Variants in SEPTIN9 observed in about 807,000 individuals in gnomAD.
SEPTIN9 encodes the protein septin 9, also known as septin-9.
A neutral mutation model predicts 56.6 loss-of-function variants in SEPTIN9; 13 were observed. The ratio of observed to expected loss-of-function variants is 0.23; its 90% CI spans 0.15 to 0.37. The LOEUF is 0.37. Among genes scored for constraint, SEPTIN9 ranks in the 10% least tolerant of loss-of-function variants. The pLI, the probability that SEPTIN9 is intolerant of heterozygous loss-of-function variation, is 1.00. For synonymous variants in SEPTIN9, 332 were observed against 334.1 expected (o/e 0.99, Z 0.07); for missense variants, 650 against 823.1 (o/e 0.79, Z 2.57).
At chr17:77,370,385 TC>T (rs1373626084) in intron 2 of SEPTIN9, among the ~76,000 whole-genome samples, 1 of 152,248 alleles carries the variant, frequency 6.6e-6, no homozygotes, top group African/African-American at 2.4e-5. Context: ...CTCTGTACTT[TC>T]TTTTCTGTCT....
Position 77,420,547 on chromosome 17 carries a change from G to A in SEPTIN9, c.721+17844G>A, listed in dbSNP as rs140661621. Among the ~76,000 whole-genome samples the A allele has an allele frequency of 1.6e-4, 24 of 152,268 alleles. No homozygotes were observed. The East Asian group carries it at 4.1e-3, about 26-fold the overall frequency. On this transcript the variant is annotated intron_variant, in intron 3 of 11. Transcript: ENST00000427177. ...GGACCTGGGAATCCTCAGCCCAACT[G>A]TCCAGAGGAGTCTTTCTCAGTGGGG... is the stretch of plus-strand genomic sequence containing the variant.
chr17:77,307,511 T>C (rs2032318543), intron 2 of SEPTIN9, among the ~76,000 whole-genome samples: 1 of 150,892 alleles, frequency 6.6e-6, no homozygotes, highest in Non-Finnish European at 1.5e-5. Context: ...TGGTTTGAGA[T>C]GCTGAGGGGA....
At chr17:77,484,502 GTGGTGA>G (rs796618940) in intron 4 of SEPTIN9, among the ~76,000 whole-genome samples, 13 of 97,362 alleles carry the variant, frequency 1.3e-4, no homozygotes, top group African/African-American at 3.7e-4. Context: ...GATGGTGATT[GTGGTGA>G]TGGTGATGGT....
intron 3 of SEPTIN9, among the ~76,000 whole-genome samples, chr17:77,413,847 T>C (rs886443431): frequency 7.0e-6 from 1 of 142,612 alleles, no homozygotes; most frequent in African/African-American, 2.6e-5. Context: ...CACCTATATA[T>C]GGGGTGGGGG....
At chr17:77,455,663 G>T (rs2038166352) in intron 3 of SEPTIN9, among the ~76,000 whole-genome samples, 1 of 152,214 alleles carries the variant, frequency 6.6e-6, no homozygotes, top group Non-Finnish European at 1.5e-5. Context: ...AGCGGGCGGG[G>T]TTGATGGTGC....
intron 6 of SEPTIN9, 61 bp downstream of exon 6, chr17:77,488,382 C>T: frequency 6.8e-7 from 1 of 1,465,878 alleles, no homozygotes. Context: ...GGACCCCACC[C>T]AGAGTCAGCC....
At chr17:77,333,267 GAA>G (rs1295764266) in intron 2 of SEPTIN9, among the ~76,000 whole-genome samples, 2 of 152,198 alleles carry the variant, frequency 1.3e-5, no homozygotes, top group African/African-American at 4.8e-5. Flanking sequence ...TTTCCTTTGT[GAA>G]ATGTCTTTTC....
rs2037323328 is a variant in SEPTIN9 at position 77,436,040 on chromosome 17, T to C, written c.721+33337T>C. On this transcript the variant is annotated intron_variant, in intron 3 of 11. Coordinates refer to ENST00000427177, the MANE Select transcript of SEPTIN9 (RefSeq NM_001113491.2). The surrounding 1 kb of genome is among the most constrained non-coding windows in gnomAD (Gnocchi z 4.4). ...GGCCTCAGCCTCGTGTGTGTGTTTA[T>C]GCATGGGTACTTTGCCATCCACACT... 6.6e-6 allele frequency among the ~76,000 whole-genome samples: 1 copy of C among 152,210 alleles called. No individual in the cohort carries two copies. The highest frequency in any genetic ancestry group is 2.4e-5 in the African/African-American group (1 of 41,456).
At position 77,490,138 on chromosome 17, in the gene SEPTIN9, G is replaced by A. The variant is rs371385092; in HGVS notation, c.1263-604G>A. 2.7e-4 allele frequency among the ~76,000 whole-genome samples: 41 copies of A among 152,326 alleles called. No individual in the cohort carries two copies. In the South Asian group the frequency reaches 8.1e-3, roughly 30 times the overall value. ...TCTGCTTAAACTTCTGCCCGGAGCGGGCTTCTCCCCAGCCATGTGTGTGAC... is the reference window on the plus strand; with the variant it reads ...TCTGCTTAAACTTCTGCCCGGAGCGAGCTTCTCCCCAGCCATGTGTGTGAC... On this transcript the variant is annotated intron_variant, in intron 7 of 11. Transcript: ENST00000427177.
intron 3 of SEPTIN9, among the ~76,000 whole-genome samples, chr17:77,466,203 C>T (rs12452703): frequency 0.067 from 10,239 of 152,256 alleles, 499 homozygotes; most frequent in Admixed American, 0.15. Context: ...ATCTGGGCAC[C>T]CACTGCCCAG....
chr17:77,288,236 T>C, intron 1 of SEPTIN9: 1 of 1,037,704 alleles, frequency 9.6e-7, no homozygotes, highest in African/African-American at 1.7e-5. Context: ...TCTTTCCGGC[T>C]CCTCCCAGGC....
At chr17:77,489,261 T>C (rs1183528345) in intron 7 of SEPTIN9, among the ~76,000 whole-genome samples, 1 of 152,114 alleles carries the variant, frequency 6.6e-6, no homozygotes, top group Non-Finnish European at 1.5e-5. Context: ...CTTAGAGGGT[T>C]TGGTGCGTTC....
intron 2 of SEPTIN9, among the ~76,000 whole-genome samples, chr17:77,344,412 A>G (rs2033825815): frequency 6.6e-6 from 1 of 152,210 alleles, no homozygotes; most frequent in African/African-American, 2.4e-5. Flanking sequence ...GCTGGTGGGA[A>G]TGTAAAATGG....
Position 77,292,930 on chromosome 17 carries a change from A to G in SEPTIN9, c.19+11376A>G, listed in dbSNP as rs540123694. On this transcript the variant is annotated intron_variant, in intron 1 of 11. Coordinates refer to ENST00000427177, the MANE Select transcript of SEPTIN9 (RefSeq NM_001113491.2). Reference sequence around the variant, plus strand: ...GTTCATCTGCTCACCTTTCTCATGCATGCGGTTTGTTCATAGGGTATGTAA... The same window carrying G: ...GTTCATCTGCTCACCTTTCTCATGCGTGCGGTTTGTTCATAGGGTATGTAA... Among the ~76,000 whole-genome samples the G allele has an allele frequency of 3.3e-5, 5 of 152,312 alleles. No homozygotes were observed. In the South Asian group the frequency reaches 1.0e-3, roughly 32 times the overall value.
intron 2 of SEPTIN9, among the ~76,000 whole-genome samples, chr17:77,398,419 G>A (rs547577087): frequency 1.3e-5 from 2 of 152,324 alleles, no homozygotes; most frequent in South Asian, 2.1e-4. Flanking sequence ...GACATGGGGA[G>A]GGGGTGGTGT....
At chr17:77,346,658 G>A (rs971008686) in intron 2 of SEPTIN9, among the ~76,000 whole-genome samples, 3 of 152,178 alleles carry the variant, frequency 2.0e-5, no homozygotes, top group South Asian at 2.1e-4. Flanking sequence ...TAGACTTCCT[G>A]AGTATAGAGC....
In SEPTIN9 at chr17:77,437,456, C is replaced by T. The variant is rs905171285; in HGVS notation, c.721+34753C>T. Among the ~76,000 whole-genome samples, 1 of 151,668 alleles carries T rather than the reference C, an allele frequency of 6.6e-6. No homozygotes were observed. Among genetic ancestry groups the T allele is most frequent in the Non-Finnish European group, 1.5e-5 (1 of 67,968 alleles). ...GCTGCCTTTATGTAACCAACTCTCT[C>T]ACGGAGAAGCCAGGGGATGGCTCTC... On this transcript the variant is annotated intron_variant, in intron 3 of 11. Coordinates refer to ENST00000427177, the MANE Select transcript of SEPTIN9 (RefSeq NM_001113491.2). The surrounding 1 kb of genome is among the most constrained non-coding windows in gnomAD (Gnocchi z 5.3).
At chr17:77,410,091 C>T (rs376845963) in intron 3 of SEPTIN9, among the ~76,000 whole-genome samples, 42 of 152,166 alleles carry the variant, frequency 2.8e-4, no homozygotes, top group African/African-American at 9.7e-4. Context: ...GGGGTATGGG[C>T]TGTAACTGAC....
chr17:77,416,850 T>C (rs7208336), intron 3 of SEPTIN9, among the ~76,000 whole-genome samples: 56,918 of 151,982 alleles, frequency 0.37, 11,218 homozygotes, highest in African/African-American at 0.43. Context: ...AGATGCGGGA[T>C]CCCAACCTCG....
Sources: gnomAD v4.1 joint callset for allele counts (sites outside exome capture counted in the v4.1 genomes callset) on GRCh38, gnomAD v4.1.1 for gene constraint, Gnocchi (gnomAD v3.1) non-coding constraint, MANE v1.5 for transcripts, NCBI Gene and HGNC (gene_info 2026-07-23, HGNC 2026-07-21) for gene names.